The following GALNT9 variants were observed in gnomAD, a reference collection of about 807,000 sequenced individuals.
GALNT9 encodes GalNAc transferase 9.
A neutral mutation model predicts 63.1 loss-of-function variants in GALNT9; 47 were observed. That is an observed-to-expected ratio of 0.75 (90% CI 0.59 to 0.95). The LOEUF (loss-of-function observed/expected upper bound fraction) is 0.95, where lower values mean the gene tolerates loss of function less well. GALNT9 is among the 40% of genes least tolerant of loss of function. The probability of loss-of-function intolerance (pLI) is 0.00; values close to 1 mark genes in which losing one functional copy is unlikely to be tolerated. For synonymous variants in GALNT9, 396 were observed against 365.7 expected (o/e 1.08, Z -0.94); for missense variants, 829 against 874.8 (o/e 0.95, Z 0.66).
At chr12:132,207,421 G>C (rs769340448) in intron 6 of GALNT9, among the ~76,000 whole-genome samples, 3 of 152,170 alleles carry the variant, frequency 2.0e-5, no homozygotes, top group Non-Finnish European at 4.4e-5. Context: ...CTTCTGTGGC[G>C]CTGGGGCGAT....
chr12:132,245,165 G>C lies in GALNT9; in HGVS notation c.1077+2745C>G, dbSNP rs571618247. ...ATCAGAAAGGCCCCTATGTCAGCCA[G>C]GCGTGGTGGTTCACACCTGGAATCC... On this transcript the variant is annotated intron_variant, in intron 6 of 10. Coordinates refer to ENST00000328957, the MANE Select transcript of GALNT9 (RefSeq NM_001122636.2). This position sits in a 1 kb window ranked among gnomAD's most constrained non-coding sequence, Gnocchi z 6.3. 1.5e-4 allele frequency among the ~76,000 whole-genome samples: 23 copies of C among 152,082 alleles called. No homozygotes were observed. The highest frequency in any genetic ancestry group is 2.8e-4 in the Non-Finnish European group (19 of 67,988).
At chr12:132,210,502 G>GC (rs1876908314) in intron 6 of GALNT9, among the ~76,000 whole-genome samples, 1 of 152,296 alleles carries the variant, frequency 6.6e-6, no homozygotes, top group South Asian at 2.1e-4. Flanking sequence ...GGAGGACTGA[G>GC]TGGGGCCATG....
chr12:132,258,379 A>G (rs1267063373), intron 4 of GALNT9, among the ~76,000 whole-genome samples: 1 of 152,212 alleles, frequency 6.6e-6, no homozygotes, highest in East Asian at 1.9e-4. Flanking sequence ...AAGGAATAAA[A>G]ACAATCCGTG....
intron 2 of GALNT9, among the ~76,000 whole-genome samples, chr12:132,281,909 G>A (rs1275964056): frequency 1.4e-5 from 2 of 139,834 alleles, no homozygotes; most frequent in East Asian, 2.2e-4. Flanking sequence ...AGGCCTGGGG[G>A]TCCCCGATCC....
intron 1 of GALNT9, among the ~76,000 whole-genome samples, chr12:132,290,153 T>C (rs2135565275): frequency 6.6e-6 from 1 of 152,218 alleles, no homozygotes; most frequent in East Asian, 1.9e-4. Flanking sequence ...ACTCAGGGCT[T>C]GGTCTCTGAG....
intron 9 of GALNT9, 37 bp from the exon 10 acceptor site, chr12:132,197,996 G>T: frequency 1.3e-6 from 2 of 1,553,652 alleles, no homozygotes; most frequent in Non-Finnish European, 1.8e-6. Context: ...TGTGAGCAGC[G>T]CCCAGGCTCT....
intron 6 of GALNT9, among the ~76,000 whole-genome samples, chr12:132,209,032 G>A (rs897838399): frequency 6.6e-6 from 1 of 152,290 alleles, no homozygotes; most frequent in African/African-American, 2.4e-5. Context: ...GGTCACCCCC[G>A]TGCTACCTGA....
chr12:132,199,758 C>T (rs773781968), intron 8 of GALNT9, among the ~76,000 whole-genome samples: 2 of 152,230 alleles, frequency 1.3e-5, no homozygotes, highest in Non-Finnish European at 2.9e-5. Context: ...TGTCATCGGG[C>T]AGCCAACCTC....
intron 6 of GALNT9, among the ~76,000 whole-genome samples, chr12:132,209,145 C>T (rs1876848879): frequency 6.6e-6 from 1 of 152,154 alleles, no homozygotes; most frequent in Non-Finnish European, 1.5e-5. Context: ...CACTGGGCTG[C>T]ATTCCCAGAT....
At chr12:132,306,476 G>A (rs1188787746) in intron 1 of GALNT9, among the ~76,000 whole-genome samples, 1 of 152,226 alleles carries the variant, frequency 6.6e-6, no homozygotes, top group Admixed American at 6.5e-5. Context: ...GGTCCAGGTG[G>A]GCGGGCAGAG....
At chr12:132,303,606 C>G (rs1227059527) in intron 1 of GALNT9, among the ~76,000 whole-genome samples, 1 of 108,606 alleles carries the variant, frequency 9.2e-6, no homozygotes, top group African/African-American at 4.2e-5. Flanking sequence ...CACCCTCGCC[C>G]GGACACACCC....
At chr12:132,297,095 C>T (rs1453254968) in intron 1 of GALNT9, among the ~76,000 whole-genome samples, 2 of 151,840 alleles carry the variant, frequency 1.3e-5, no homozygotes, top group African/African-American at 2.4e-5. Flanking sequence ...CCCGAGATAA[C>T]CAACTCACTC....
intron 1 of GALNT9, among the ~76,000 whole-genome samples, chr12:132,309,982 G>A (rs947486196): frequency 5.3e-5 from 8 of 152,230 alleles, no homozygotes; most frequent in African/African-American, 1.9e-4. Flanking sequence ...GGTGGCGCCC[G>A]ACCAACACCC....
intron 1 of GALNT9, among the ~76,000 whole-genome samples, chr12:132,303,413 C>A (rs1431877933): frequency 1.4e-5 from 2 of 146,496 alleles, no homozygotes; most frequent in African/African-American, 2.5e-5. Flanking sequence ...ACACCCTCAC[C>A]CGGGCACAGC....
intron 6 of GALNT9, among the ~76,000 whole-genome samples, chr12:132,241,721 G>A (rs1319534471): frequency 3.6e-5 from 4 of 111,450 alleles, no homozygotes; most frequent in Non-Finnish European, 5.5e-5. Context: ...CCTTCCCGGG[G>A]CCCTCCCTAT....
intron 2 of GALNT9, chr12:132,275,869 TG>T (rs1555241148): frequency 6.6e-6 from 1 of 152,600 alleles, no homozygotes; most frequent in Non-Finnish European, 1.5e-5. Context: ...AGATGCTGCG[TG>T]TGCATGTGTG....
intron 1 of GALNT9, among the ~76,000 whole-genome samples, chr12:132,290,422 C>T (rs573038936): frequency 2.6e-5 from 4 of 152,264 alleles, no homozygotes; most frequent in South Asian, 2.1e-4. Flanking sequence ...GTGATGGGCA[C>T]GGAGCCATTG....
In GALNT9 at chr12:132,290,368, A is replaced by C. The variant is rs953785939; in HGVS notation, c.239-3938T>G. On this transcript the variant is annotated intron_variant, in intron 1 of 10. Coordinates refer to ENST00000328957, the MANE Select transcript of GALNT9 (RefSeq NM_001122636.2). ...TGAGAGGCGGCCCCACCCCTGCGGC[A>C]CCATGGGAGTAAGCGAGGCCGTCCC... Among the ~76,000 whole-genome samples, 3 of 152,272 alleles carry C rather than the reference A, an allele frequency of 2.0e-5. No individual in the cohort carries two copies. In the East Asian group the frequency reaches 5.8e-4, roughly 29 times the overall value.
At chr12:132,199,367 T>C in intron 8 of GALNT9, 98 bp from the exon 9 acceptor site, 1 of 850,094 alleles carries the variant, frequency 1.2e-6, no homozygotes, top group Non-Finnish European at 1.9e-6. Flanking sequence ...CCTAAGGAGG[T>C]GCCCGCGGGA....
Sources: gnomAD v4.1 joint callset for allele counts (sites outside exome capture counted in the v4.1 genomes callset) on GRCh38, gnomAD v4.1.1 for gene constraint, Gnocchi (gnomAD v3.1) non-coding constraint, MANE v1.5 for transcripts, NCBI Gene and HGNC (gene_info 2026-07-23, HGNC 2026-07-21) for gene names.